PCCA: variants seen among roughly 807,000 people sequenced by gnomAD.
The protein encoded by PCCA is propionyl-CoA carboxylase subunit alpha.
Under a neutral mutation model 101.3 loss-of-function variants are expected in PCCA, and 74 were observed. The ratio of observed to expected loss-of-function variants is 0.73; its 90% CI spans 0.61 to 0.89. The LOEUF (loss-of-function observed/expected upper bound fraction) is 0.89. Ranked by LOEUF, PCCA falls within the 40% of genes least tolerant of loss-of-function variation. The pLI is 0.00. For synonymous variants in PCCA, 294 were observed against 313.6 expected (o/e 0.94, Z 0.66); for missense variants, 891 against 907.0 (o/e 0.98, Z 0.23).
chr13:100,362,424 T>C (rs1408771882), intron 18 of PCCA, among the ~76,000 whole-genome samples: 1 of 152,196 alleles, frequency 6.6e-6, no homozygotes, highest in East Asian at 1.9e-4. Context: ...ACACCTTTTA[T>C]CTCATGTAAG....
intron 21 of PCCA, among the ~76,000 whole-genome samples, chr13:100,462,648 C>G (rs1252595842): frequency 3.9e-5 from 6 of 152,150 alleles, no homozygotes; most frequent in Non-Finnish European, 8.8e-5. Context: ...TCAATAAACA[C>G]AGGGAAAAGA....
chr13:100,360,275 A>G (rs9518059), intron 18 of PCCA, among the ~76,000 whole-genome samples: 107,776 of 151,668 alleles, frequency 0.71, 38,636 homozygotes, highest in Middle Eastern at 0.82. Context: ...CTCTTACTGC[A>G]TCCCTCCCAT....
chr13:100,175,965 C>T (rs1487186127), intron 6 of PCCA, among the ~76,000 whole-genome samples: 5 of 152,206 alleles, frequency 3.3e-5, no homozygotes, highest in African/African-American at 1.2e-4. Flanking sequence ...ACAGGATCTA[C>T]CTGGTTCCTG....
chr13:100,465,413 A>G (rs537833139), intron 21 of PCCA, among the ~76,000 whole-genome samples: 2 of 152,360 alleles, frequency 1.3e-5, no homozygotes, highest in South Asian at 4.1e-4. Flanking sequence ...CATAATACAT[A>G]CTTTTTTAAA....
intron 6 of PCCA, chr13:100,161,588 C>T (rs2054477441): frequency 3.3e-5 from 5 of 151,968 alleles, no homozygotes; most frequent in Admixed American, 3.3e-4. Context: ...CTTTGTTTAA[C>T]AATTTTTTTG....
chr13:100,423,290 A>G (rs979686697), intron 19 of PCCA, among the ~76,000 whole-genome samples: 2 of 152,182 alleles, frequency 1.3e-5, no homozygotes, highest in Non-Finnish European at 2.9e-5. Context: ...CATGGTAACA[A>G]GGATTCTTCG....
chr13:100,137,451 C>T lies in PCCA; in HGVS notation c.301-17528C>T, dbSNP rs542330908. On this transcript the variant is annotated intron_variant, in intron 4 of 23. Transcript: ENST00000376285. ...CTTTTGAGAGTCTTGATGTTTCCAA[C>T]GATGACTGGGTTATTGTCTGTTTCT... Among the ~76,000 whole-genome samples the T allele has an allele frequency of 2.7e-4, 41 of 152,292 alleles. 1 individual carries two copies. In the South Asian group the frequency reaches 6.8e-3, roughly 25 times the overall value.
rs1267151647 is a variant in PCCA, at chr13:100,515,477, G to T, written c.1950G>T (p.Met650Ile). 6.2e-7 allele frequency: 1 copy of T among 1,614,070 alleles called. No individual in the cohort carries two copies. Among genetic ancestry groups the T allele is most frequent in the South Asian group, 1.1e-5 (1 of 91,068 alleles). ...TTGCCGCAGAATTGAACAAATTTATGCTGGAAAAAGTGACTGAGGACACAA... is the reference window on the plus strand; with the variant it reads ...TTGCCGCAGAATTGAACAAATTTATTCTGGAAAAAGTGACTGAGGACACAA... ...TRLAAELNKF[M>I]LEKVTEDTSS... is the part of the protein sequence containing the mutation. Residue 650 changes from methionine (M) to isoleucine (I), a missense_variant, in exon 22 of 24, where the codon ATG (methionine) becomes ATT (isoleucine). Transcript: ENST00000376285.
chr13:100,196,375 T>C (rs2058101422), intron 6 of PCCA, among the ~76,000 whole-genome samples: 1 of 152,194 alleles, frequency 6.6e-6, no homozygotes, highest in South Asian at 2.1e-4. Context: ...TCCCCATCAG[T>C]GTAGGAGAAA....
chr13:100,124,075 A>G (rs771767607), intron 4 of PCCA, among the ~76,000 whole-genome samples: 7 of 152,232 alleles, frequency 4.6e-5, no homozygotes, highest in Admixed American at 1.3e-4. Flanking sequence ...TGTTTTAAGT[A>G]TAAAGACTAG....
At chr13:100,386,113 G>T (rs567387501) in intron 19 of PCCA, among the ~76,000 whole-genome samples, 49 of 152,290 alleles carry the variant, frequency 3.2e-4, no homozygotes, top group African/African-American at 1.1e-3. Flanking sequence ...GTAGTGAAAA[G>T]GTAGCTCACT....
intron 8 of PCCA, chr13:100,237,613 A>C (rs958412055): frequency 6.6e-6 from 1 of 152,206 alleles, no homozygotes; most frequent in Non-Finnish European, 1.5e-5. Context: ...TTTTGAGGAT[A>C]GTTTTCTAAA....
At chr13:100,451,715 C>CTT (rs1555299745) in intron 21 of PCCA, among the ~76,000 whole-genome samples, 2 of 95,986 alleles carry the variant, frequency 2.1e-5, no homozygotes, top group Non-Finnish European at 4.1e-5. Flanking sequence ...TCTCCTCTCT[C>CTT]CTCTCTCTCT....
intron 19 of PCCA, among the ~76,000 whole-genome samples, chr13:100,400,025 T>G (rs1330056637): frequency 6.6e-6 from 1 of 152,194 alleles, no homozygotes; most frequent in African/African-American, 2.4e-5. Flanking sequence ...AGGCTAAACT[T>G]AAGAAAAAGT....
At chr13:100,295,044 T>C (rs1179625696) in intron 12 of PCCA, among the ~76,000 whole-genome samples, 2 of 152,206 alleles carry the variant, frequency 1.3e-5, no homozygotes, top group African/African-American at 4.8e-5. Flanking sequence ...AGTGATGTGT[T>C]GGGGCTTATT....
At chr13:100,309,725 A>T (rs2066754035) in intron 15 of PCCA, 108 bp from the exon 16 acceptor site, 1 of 710,110 alleles carries the variant, frequency 1.4e-6, no homozygotes, top group African/African-American at 1.8e-5. Context: ...AAATTTCGAG[A>T]TATATTTAGA....
intron 1 of PCCA, among the ~76,000 whole-genome samples, chr13:100,095,928 T>G (rs2046729303): frequency 1.3e-5 from 2 of 150,738 alleles, no homozygotes; most frequent in African/African-American, 4.9e-5. Context: ...GATTGGGGAC[T>G]GGGGTGGGAA....
At chr13:100,175,307 T>C (rs192084672) in intron 6 of PCCA, among the ~76,000 whole-genome samples, 74 of 152,334 alleles carry the variant, frequency 4.9e-4, no homozygotes, top group African/African-American at 1.6e-3. Flanking sequence ...TTTGCTCTCT[T>C]AGGAAACTGT....
At chr13:100,490,242 T>A (rs929520011) in intron 21 of PCCA, 3 of 152,314 alleles carry the variant, frequency 2.0e-5, no homozygotes, top group African/African-American at 7.2e-5. Flanking sequence ...ATCTCTGGAG[T>A]AGTATCACTA....
Sources: allele counts gnomAD v4.1 joint callset (sites outside exome capture counted in the v4.1 genomes callset), GRCh38; gene constraint gnomAD v4.1.1; transcripts MANE v1.5; gene names NCBI Gene and HGNC (gene_info 2026-07-23, HGNC 2026-07-21).